RUBCN: variants seen among roughly 807,000 people sequenced by gnomAD.
RUBCN encodes run domain Beclin-1-interacting and cysteine-rich domain-containing protein.
In RUBCN, 74 loss-of-function variants were observed where a neutral mutation model predicts 113.2. The ratio of observed to expected loss-of-function variants is 0.65; its 90% CI spans 0.54 to 0.79. RUBCN has a LOEUF of 0.79. Among genes scored for constraint, RUBCN ranks in the 30% least tolerant of loss-of-function variants. The pLI, the probability that RUBCN is intolerant of heterozygous loss-of-function variation, is 0.00. For synonymous variants in RUBCN, 480 were observed against 490.0 expected (o/e 0.98, Z 0.27); for missense variants, 1,109 against 1,251.7 (o/e 0.89, Z 1.72).
intron 1 of RUBCN, among the ~76,000 whole-genome samples, chr3:197,730,902 T>TTC (rs1284518350): frequency 2.0e-5 from 3 of 146,702 alleles, no homozygotes; most frequent in African/African-American, 7.6e-5. Flanking sequence ...TTTTTTTTTT[T>TTC]TTTTTTTTTT....
intron 11 of RUBCN, 72 bp downstream of exon 11, chr3:197,693,643 C>G (rs1722677284): frequency 9.6e-7 from 1 of 1,046,174 alleles, no homozygotes; most frequent in Non-Finnish European, 1.5e-6. Flanking sequence ...TTAGGAAACA[C>G]TTCGCAGCTT....
chr3:197,676,548 G>A (rs1720450397), intron 18 of RUBCN: 1 of 1,094,786 alleles, frequency 9.1e-7, no homozygotes, highest in South Asian at 1.8e-5. Flanking sequence ...CCTGACCTCA[G>A]GTGACCCGCC....
intron 2 of RUBCN, among the ~76,000 whole-genome samples, chr3:197,711,115 C>T (rs1007607369): frequency 3.9e-5 from 6 of 152,232 alleles, no homozygotes; most frequent in African/African-American, 1.4e-4. Context: ...TGAGCCACCA[C>T]GCCTGGCCTC....
rs112631234 is a variant in RUBCN at position 197,745,008 on chromosome 3, G to C, written c.-116+4261C>G. Among the ~76,000 whole-genome samples, 635 of 152,234 alleles carry C rather than the reference G, an allele frequency of 4.2e-3. 5 individuals are homozygous for C. Among genetic ancestry groups the C allele is most frequent in the African/African-American group, 0.014 (562 of 41,520 alleles). On this transcript the variant is annotated intron_variant, in intron 1 of 20. Coordinates refer to the RUBCN transcript ENST00000273582. ...AACTAAGAAAAGGGGGATTTAGGCT[G>C]GGCACGGTGGCTTCACACCTGTAAT...
intron 1 of RUBCN, among the ~76,000 whole-genome samples, chr3:197,745,365 C>A (rs1728697754): frequency 6.6e-6 from 1 of 151,784 alleles, no homozygotes; most frequent in East Asian, 1.9e-4. Context: ...CCTGTAATCC[C>A]AGCACTTTGG....
chr3:197,743,985 A>G (rs1008942852), intron 1 of RUBCN, among the ~76,000 whole-genome samples: 2 of 151,942 alleles, frequency 1.3e-5, no homozygotes, highest in Non-Finnish European at 2.9e-5. Context: ...CTCTGTCTAA[A>G]AAATAAATAA....
Position 197,703,628 on chromosome 3 carries a change from G to C in RUBCN, c.490C>G (p.His164Asp). 6.2e-7 allele frequency: 1 copy of C among 1,613,748 alleles called. No individual in the cohort carries two copies. The highest frequency in any genetic ancestry group is 8.5e-7 in the Non-Finnish European group (1 of 1,179,800). Reference protein sequence around the residue: ...TDAAFLLSDAHVTAMLQCLEA... With the variant: ...TDAAFLLSDADVTAMLQCLEA... ...AGGCACTGCAGCATGGCCGTGACAT[G>C]AGCGTCACTTAGCAGGAAGGCAGCA... The change falls in exon 5 of 20, where the codon CAT becomes GAT. Residue 164 changes from histidine (H) to aspartate (D), a missense_variant. Around this residue, in one of 3 missense-constraint regions of RUBCN, gnomAD observed 736 missense variants for 779.6 expected, o/e 0.94. Coordinates refer to ENST00000296343, the MANE Select transcript of RUBCN (RefSeq NM_014687.4).
intron 1 of RUBCN, among the ~76,000 whole-genome samples, chr3:197,726,976 G>C (rs1726834528): frequency 1.6e-5 from 2 of 127,558 alleles, no homozygotes; most frequent in Admixed American, 1.7e-4. Context: ...GTTTTGCTCT[G>C]TCGCCCAGGC....
intron 1 of RUBCN, among the ~76,000 whole-genome samples, chr3:197,727,384 C>T (rs940482715): frequency 1.3e-5 from 2 of 152,206 alleles, no homozygotes; most frequent in Non-Finnish European, 2.9e-5. Flanking sequence ...ATAATATTCT[C>T]TTTTCTCTGC....
rs1721297153 is a variant in RUBCN, at chr3:197,681,964, G to C, written c.2127-65C>G. The C allele has an allele frequency of 1.6e-6, 2 of 1,223,174 alleles. No individual in the cohort carries two copies. The highest frequency in any genetic ancestry group is 2.4e-5 in the South Asian group (2 of 83,052). The allele number at this position is 1,223,174 out of a possible 1,614,324, so 75.8% of individuals were successfully genotyped here. On this transcript the variant is annotated intron_variant, in intron 14 of 19. Transcript: ENST00000296343. The surrounding 1 kb of genome is among the most constrained non-coding windows in gnomAD (Gnocchi z 5.5). ...TGCGTGAGACCTTGGAGGTGTGAAG[G>C]AGTGAGCACACATACATACAGCTCC...
intron 5 of RUBCN, 137 bp downstream of exon 5, chr3:197,703,397 CAAAAAAAAAAAAAA>C (rs1165064210): frequency 3.1e-3 from 487 of 155,700 alleles, no homozygotes; most frequent in East Asian, 0.016. Flanking sequence ...GACTCTGTCT[CAAAAAAAAAAAAAA>C]AAAAAAAAAA....
At position 197,734,211 on chromosome 3, in the gene RUBCN, G is replaced by A. The variant is rs573501163; in HGVS notation, c.65+2444C>T. On this transcript the variant is annotated intron_variant, in intron 1 of 19. Coordinates refer to ENST00000296343, the MANE Select transcript of RUBCN (RefSeq NM_014687.4). ...GGCAGAGGTTGTAGTGAAGCAAGACGGTGCCACTGCACTCCAGCCTTGGCG... is the reference window on the plus strand; with the variant it reads ...GGCAGAGGTTGTAGTGAAGCAAGACAGTGCCACTGCACTCCAGCCTTGGCG... 9.6e-4 allele frequency among the ~76,000 whole-genome samples: 145 copies of A among 151,156 alleles called. 1 individual carries two copies. The highest frequency in any genetic ancestry group is 3.2e-3 in the African/African-American group (130 of 41,174).
chr3:197,688,793 A>G (rs1211488339), intron 11 of RUBCN, among the ~76,000 whole-genome samples: 2 of 152,238 alleles, frequency 1.3e-5, no homozygotes, highest in African/African-American at 4.8e-5. Flanking sequence ...AAGATGACGC[A>G]TCACACATTG....
chr3:197,708,765 A>G (rs2108930010), intron 2 of RUBCN, among the ~76,000 whole-genome samples: 1 of 152,266 alleles, frequency 6.6e-6, no homozygotes, highest in East Asian at 1.9e-4. Context: ...TGTACTTGTT[A>G]TAATTTCACA....
At position 197,681,149 on chromosome 3, in the gene RUBCN, T is replaced by G; in HGVS notation, c.2410A>C (p.Lys804Gln). Residue 804 changes from lysine (K) to glutamine (Q), a missense_variant, in exon 16 of 20, where the codon AAG (lysine) becomes CAG (glutamine). Around this residue, in one of 3 missense-constraint regions of RUBCN, gnomAD observed 306 missense variants for 348.9 expected, o/e 0.88. Coordinates refer to ENST00000296343, the MANE Select transcript of RUBCN (RefSeq NM_014687.4). The surrounding 1 kb of genome is among the most constrained non-coding windows in gnomAD (Gnocchi z 5.5). ...CTTACCCGGACTTGATTGAGCAGCT[T>G]GACCTTCCTATAGAGGGCACTGTTT... ...DINSALYRKV[K>Q]LLNQVRLLRV... 1.2e-6 allele frequency: 2 copies of G among 1,613,432 alleles called. No homozygotes were observed. Among genetic ancestry groups the G allele is most frequent in the Non-Finnish European group, 1.7e-6 (2 of 1,179,478 alleles).
At chr3:197,730,558 T>G (rs1727296922) in intron 1 of RUBCN, among the ~76,000 whole-genome samples, 1 of 150,600 alleles carries the variant, frequency 6.6e-6, no homozygotes, top group Non-Finnish European at 1.5e-5. Flanking sequence ...GAAGCAACAG[T>G]ACACCCTAGA....
In RUBCN at chr3:197,677,000, G is replaced by C; in HGVS notation, c.2531C>G (p.Thr844Arg). 1 of 1,614,044 alleles carries C rather than the reference G, an allele frequency of 6.2e-7. No homozygotes were observed. The highest frequency in any genetic ancestry group is 8.5e-7 in the Non-Finnish European group (1 of 1,180,032). The change falls in exon 18 of 20, where the codon ACA becomes AGA. Residue 844 changes from threonine (T) to arginine (R), a missense_variant. Coordinates refer to ENST00000296343, the MANE Select transcript of RUBCN (RefSeq NM_014687.4). ...DSFDTVPGHL[T>R]EDLHLYSLND... ...CAGTGAGTACAGGTGGAGGTCCTCT[G>C]TCAGGTGGCCTGGGACTGTGTCAAA...
At chr3:197,724,501 C>T (rs1726523317) in intron 1 of RUBCN, among the ~76,000 whole-genome samples, 1 of 152,176 alleles carries the variant, frequency 6.6e-6, no homozygotes, top group Non-Finnish European at 1.5e-5. Context: ...TCCCCAAATA[C>T]TCTTTTTAGT....
At chr3:197,700,440 A>C in intron 7 of RUBCN, 173 bp downstream of exon 7, 1 of 638,350 alleles carries the variant, frequency 1.6e-6, no homozygotes. Flanking sequence ...AAATAGACTT[A>C]GAGATTTTGA....
Sources: gnomAD v4.1 joint callset for allele counts (sites outside exome capture counted in the v4.1 genomes callset) on GRCh38, gnomAD v4.1.1 for gene constraint, gnomAD v4.1.1 regional missense constraint, Gnocchi (gnomAD v3.1) non-coding constraint, MANE v1.5 for transcripts, NCBI Gene and HGNC (gene_info 2026-07-23, HGNC 2026-07-21) for gene names.